The following LRRC4C variants were observed in gnomAD, a reference collection of about 807,000 sequenced individuals.
The protein encoded by LRRC4C is leucine-rich repeat-containing protein 4C.
Under a neutral mutation model 33.6 loss-of-function variants are expected in LRRC4C, and 5 were observed. The observed-to-expected ratio is 0.15, with a 90% CI of 0.08 to 0.31. The LOEUF (loss-of-function observed/expected upper bound fraction) is 0.31. Among genes scored for constraint, LRRC4C ranks in the 10% least tolerant of loss-of-function variants. The pLI is 1.00. For missense variants in LRRC4C, 560 were observed against 796.7 expected (o/e 0.70, Z 3.58); for synonymous variants, 329 against 302.0 (o/e 1.09, Z -0.93).
chr11:41,092,025 C>T (rs909978790), intron 1 of LRRC4C, among the ~76,000 whole-genome samples: 4 of 151,824 alleles, frequency 2.6e-5, no homozygotes, highest in African/African-American at 4.8e-5. Flanking sequence ...ATAGTAGAAG[C>T]CCCTGGGTGG....
At chr11:41,100,879 T>C (rs1466953341) in intron 1 of LRRC4C, among the ~76,000 whole-genome samples, 1 of 151,938 alleles carries the variant, frequency 6.6e-6, no homozygotes, top group Non-Finnish European at 1.5e-5. Context: ...GAGCCCAGAA[T>C]TAAAGTTACA....
intron 5 of LRRC4C, among the ~76,000 whole-genome samples, chr11:40,155,936 G>T (rs905820840): frequency 2.6e-5 from 4 of 152,028 alleles, no homozygotes; most frequent in Non-Finnish European, 5.9e-5. Flanking sequence ...CATGAATATA[G>T]ATGCTAAAAT....
intron 1 of LRRC4C, among the ~76,000 whole-genome samples, chr11:41,257,632 G>A (rs562699191): frequency 2.6e-5 from 4 of 152,178 alleles, no homozygotes; most frequent in South Asian, 2.1e-4. Flanking sequence ...CTGCCAATGG[G>A]CATTAAGCTG....
intron 2 of LRRC4C, among the ~76,000 whole-genome samples, chr11:40,875,808 T>C (rs1954855849): frequency 6.6e-6 from 1 of 152,182 alleles, no homozygotes; most frequent in Non-Finnish European, 1.5e-5. Flanking sequence ...TGTATTGTGA[T>C]GCACTTTATT....
chr11:41,267,167 G>C (rs368523902), intron 1 of LRRC4C, among the ~76,000 whole-genome samples: 17 of 152,156 alleles, frequency 1.1e-4, no homozygotes, highest in African/African-American at 4.1e-4. Context: ...AAAACCTTGT[G>C]CTAAAATGGC....
intron 1 of LRRC4C, among the ~76,000 whole-genome samples, chr11:41,378,947 C>A (rs953865484): frequency 1.4e-5 from 2 of 144,144 alleles, no homozygotes; most frequent in Admixed American, 6.9e-5. Flanking sequence ...GTTTTTTATT[C>A]TTTTTTCATA....
At chr11:41,180,233 G>A (rs1056336465) in intron 1 of LRRC4C, among the ~76,000 whole-genome samples, 2 of 152,116 alleles carry the variant, frequency 1.3e-5, no homozygotes, top group Non-Finnish European at 2.9e-5. Flanking sequence ...AATAAACTCA[G>A]AAAAGAAAGC....
rs546999986 is a variant in LRRC4C at position 41,316,539 on chromosome 11, A to G, written c.-496+142892T>C. 2.0e-5 allele frequency among the ~76,000 whole-genome samples: 3 copies of G among 152,296 alleles called. No homozygotes were observed. The East Asian group carries it at 5.8e-4, about 29-fold the overall frequency. Reference sequence around the variant, plus strand: ...AGGAATCAAAAAGTTTATTTTAAGCATGGCAAGTCTCCTCTCTAGGAACTT... The same window carrying G: ...AGGAATCAAAAAGTTTATTTTAAGCGTGGCAAGTCTCCTCTCTAGGAACTT... On this transcript the variant is annotated intron_variant, in intron 1 of 6. Coordinates refer to ENST00000528697, the MANE Select transcript of LRRC4C (RefSeq NM_001258419.2).
chr11:40,712,774 T>A (rs1946529878), intron 2 of LRRC4C, among the ~76,000 whole-genome samples: 1 of 152,154 alleles, frequency 6.6e-6, no homozygotes, highest in Non-Finnish European at 1.5e-5. Context: ...TATATTGTAA[T>A]TATTCAATAT....
chr11:40,779,635 T>C (rs1219771674), intron 2 of LRRC4C, among the ~76,000 whole-genome samples: 3 of 152,138 alleles, frequency 2.0e-5, no homozygotes, highest in Non-Finnish European at 2.9e-5. Flanking sequence ...ATGCAGAAAA[T>C]TGTTATAGAG....
intron 1 of LRRC4C, chr11:41,394,685 T>C (rs1026929738): frequency 6.6e-6 from 1 of 151,998 alleles, no homozygotes; most frequent in African/African-American, 2.4e-5. Context: ...GACTACTGGC[T>C]ATTATTATGG....
intron 2 of LRRC4C, among the ~76,000 whole-genome samples, chr11:40,769,915 G>A (rs1399553130): frequency 6.6e-6 from 1 of 152,086 alleles, no homozygotes; most frequent in Non-Finnish European, 1.5e-5. Flanking sequence ...GGACATTGGT[G>A]TGGGCAAATA....
chr11:40,399,726 CA>C (rs1030962317), intron 3 of LRRC4C, among the ~76,000 whole-genome samples: 30 of 152,048 alleles, frequency 2.0e-4, no homozygotes, highest in African/African-American at 6.3e-4. Context: ...ACAACAACAA[CA>C]AAAGTTACAA....
Position 41,074,940 on chromosome 11 carries a change from G to A in LRRC4C, c.-495-141217C>T, listed in dbSNP as rs559370530. On this transcript the variant is annotated intron_variant, in intron 1 of 6. Transcript: ENST00000528697. ...CAATGGTTCTGAAAATCCAAGTCTC[G>A]TCTTAAAGGAAGGAGTTATGCTGAA... Among the ~76,000 whole-genome samples, 38 of 151,174 alleles carry A rather than the reference G, an allele frequency of 2.5e-4. No individual in the cohort carries two copies. In the South Asian group the frequency reaches 6.7e-3, roughly 27 times the overall value.
At chr11:40,667,758 C>T (rs1943890034) in intron 2 of LRRC4C, among the ~76,000 whole-genome samples, 1 of 152,150 alleles carries the variant, frequency 6.6e-6, no homozygotes, top group Non-Finnish European at 1.5e-5. Context: ...AGGCCAACAA[C>T]AACAAGAGAT....
intron 1 of LRRC4C, among the ~76,000 whole-genome samples, chr11:41,343,387 A>AAAACT (rs1230992493): frequency 6.6e-6 from 1 of 152,198 alleles, no homozygotes; most frequent in Non-Finnish European, 1.5e-5. Context: ...AAAACAAAAC[A>AAAACT]AAACAGTAGC....
chr11:41,335,257 C>A (rs1419732442), intron 1 of LRRC4C, among the ~76,000 whole-genome samples: 2 of 152,030 alleles, frequency 1.3e-5, no homozygotes, highest in Admixed American at 6.6e-5. Context: ...TTAGAAATTC[C>A]ATTTCATTGG....
At chr11:40,985,905 T>G (rs1173939487) in intron 1 of LRRC4C, among the ~76,000 whole-genome samples, 1 of 152,044 alleles carries the variant, frequency 6.6e-6, no homozygotes, top group Non-Finnish European at 1.5e-5. Flanking sequence ...AGTCAAGGGG[T>G]AAAACAGCAT....
Position 40,186,191 on chromosome 11 carries a change from T to G in LRRC4C, c.-95-45338A>C, listed in dbSNP as rs145567749. Among the ~76,000 whole-genome samples, 643 of 152,304 alleles carry G rather than the reference T, an allele frequency of 4.2e-3. 4 individuals are homozygous for G. Among genetic ancestry groups the G allele is most frequent in the African/African-American group, 0.015 (608 of 41,562 alleles). On this transcript the variant is annotated intron_variant, in intron 5 of 6. Coordinates refer to ENST00000528697, the MANE Select transcript of LRRC4C (RefSeq NM_001258419.2). Reference sequence around the variant, plus strand: ...TTTAATGGGGGAATGAATACATGAATAAATAAACTATCAAAGGCACAAAAC... The same window carrying G: ...TTTAATGGGGGAATGAATACATGAAGAAATAAACTATCAAAGGCACAAAAC...
Sources: allele counts gnomAD v4.1 joint callset (sites outside exome capture counted in the v4.1 genomes callset), GRCh38; gene constraint gnomAD v4.1.1; transcripts MANE v1.5; gene names NCBI Gene and HGNC (gene_info 2026-07-23, HGNC 2026-07-21).